MAGI2: variants seen among roughly 807,000 people sequenced by gnomAD.
MAGI2 encodes membrane associated guanylate kinase, WW and PDZ domain containing 2.
MAGI2 carries 35 observed loss-of-function variants against 133.3 expected under a neutral mutation model. The ratio of observed to expected loss-of-function variants is 0.26; its 90% CI spans 0.20 to 0.35. MAGI2 has a LOEUF of 0.35. Among genes scored for constraint, MAGI2 ranks in the 10% least tolerant of loss-of-function variants. MAGI2 has a pLI of 1.00. For synonymous variants in MAGI2, 729 were observed against 710.6 expected (o/e 1.03, Z -0.41); for missense variants, 1,636 against 1,863.4 (o/e 0.88, Z 2.25).
At chr7:78,317,963 G>A (rs1317069144) in intron 9 of MAGI2, among the ~76,000 whole-genome samples, 1 of 152,192 alleles carries the variant, frequency 6.6e-6, no homozygotes, top group Non-Finnish European at 1.5e-5. Flanking sequence ...AACCCCGTTG[G>A]AAGGTCACCA....
At chr7:78,225,526 T>C (rs1789286519) in intron 10 of MAGI2, among the ~76,000 whole-genome samples, 1 of 152,178 alleles carries the variant, frequency 6.6e-6, no homozygotes, top group African/African-American at 2.4e-5. Flanking sequence ...TTTGTGTTTT[T>C]TGTAAAGATG....
chr7:78,530,647 C>A (rs1292806624), intron 3 of MAGI2, among the ~76,000 whole-genome samples: 1 of 152,116 alleles, frequency 6.6e-6, no homozygotes, highest in African/African-American at 2.4e-5. Context: ...TCACTTTGAT[C>A]CCCCATCGTG....
intron 10 of MAGI2, among the ~76,000 whole-genome samples, chr7:78,204,990 G>C (rs1829599757): frequency 6.6e-6 from 1 of 152,206 alleles, no homozygotes; most frequent in African/African-American, 2.4e-5. Context: ...GCATCTAAGA[G>C]CATAGTGAGA....
chr7:78,889,525 A>C (rs1796560648), intron 2 of MAGI2, among the ~76,000 whole-genome samples: 1 of 152,224 alleles, frequency 6.6e-6, no homozygotes, highest in Non-Finnish European at 1.5e-5. Context: ...CTAACAGTGG[A>C]TCTCTCAGCA....
intron 2 of MAGI2, among the ~76,000 whole-genome samples, chr7:79,002,052 T>C (rs1474357358): frequency 6.6e-6 from 1 of 152,104 alleles, no homozygotes; most frequent in African/African-American, 2.4e-5. Flanking sequence ...GAAGTTCAAT[T>C]ACATACAAAT....
At chr7:78,447,738 A>C (rs575945393) in intron 6 of MAGI2, among the ~76,000 whole-genome samples, 1 of 152,328 alleles carries the variant, frequency 6.6e-6, no homozygotes, top group South Asian at 2.1e-4. Context: ...GAATAGATAC[A>C]AAGCTTTTGC....
intron 9 of MAGI2, among the ~76,000 whole-genome samples, chr7:78,313,938 C>T (rs187897286): frequency 1.3e-5 from 2 of 152,154 alleles, no homozygotes; most frequent in East Asian, 3.9e-4. Context: ...GCCCTGGGGA[C>T]TTAAGTTAAA....
intron 2 of MAGI2, among the ~76,000 whole-genome samples, chr7:78,656,634 A>G (rs1812310583): frequency 6.6e-6 from 1 of 152,194 alleles, no homozygotes; most frequent in South Asian, 2.1e-4. Context: ...CTAATTTGCT[A>G]GAGAGTAGAC....
At chr7:78,490,932 G>A (rs1010660723) in intron 5 of MAGI2, among the ~76,000 whole-genome samples, 1 of 152,064 alleles carries the variant, frequency 6.6e-6, no homozygotes, top group Non-Finnish European at 1.5e-5. Flanking sequence ...GAAGGCCAAT[G>A]AATGGAACAT....
intron 1 of MAGI2, among the ~76,000 whole-genome samples, chr7:79,310,240 G>GCATTTTT (rs1316871072): frequency 7.5e-6 from 1 of 133,668 alleles, no homozygotes; most frequent in East Asian, 2.5e-4. Context: ...ATATTCGAAT[G>GCATTTTT]CATTTTTGTG....
chr7:78,571,106 ATTTAG>A (rs752248310), intron 3 of MAGI2, among the ~76,000 whole-genome samples: 3 of 152,162 alleles, frequency 2.0e-5, no homozygotes, highest in East Asian at 1.9e-4. Context: ...TGTCATGTTG[ATTTAG>A]TTTAAATAAA....
chr7:78,398,492 T>G (rs2151333914), intron 6 of MAGI2, among the ~76,000 whole-genome samples: 1 of 152,294 alleles, frequency 6.6e-6, no homozygotes, highest in South Asian at 2.1e-4. Flanking sequence ...TGACTAAACT[T>G]TAGACAGGTT....
chr7:78,296,906 A>G (rs906099839), intron 9 of MAGI2, among the ~76,000 whole-genome samples: 3 of 152,222 alleles, frequency 2.0e-5, no homozygotes, highest in Non-Finnish European at 4.4e-5. Flanking sequence ...CGTTTACACA[A>G]GGAGTGCTTT....
At chr7:78,291,951 T>C (rs1388187212) in intron 9 of MAGI2, among the ~76,000 whole-genome samples, 1 of 152,116 alleles carries the variant, frequency 6.6e-6, no homozygotes, top group Non-Finnish European at 1.5e-5. Context: ...TAAGAGCTAT[T>C]TATGACAAAC....
chr7:78,905,047 C>G (rs189960903), intron 2 of MAGI2, among the ~76,000 whole-genome samples: 82 of 152,184 alleles, frequency 5.4e-4, no homozygotes, highest in Admixed American at 3.5e-3. Flanking sequence ...TATGCTCTAC[C>G]TTATAACCTC....
chr7:78,121,080 TATATC>T (rs56999113), intron 20 of MAGI2, among the ~76,000 whole-genome samples: 14,386 of 150,970 alleles, frequency 0.095, 748 homozygotes, highest in African/African-American at 0.11. Context: ...GGTTCTACCT[TATATC>T]ATACAGAGAA....
chr7:78,982,417 T>G (rs1242114367), intron 2 of MAGI2, among the ~76,000 whole-genome samples: 2 of 151,942 alleles, frequency 1.3e-5, no homozygotes, highest in Non-Finnish European at 2.9e-5. Flanking sequence ...TTTTGGCTAA[T>G]TATACTTGGC....
intron 7 of MAGI2, among the ~76,000 whole-genome samples, chr7:78,353,720 G>A (rs942013114): frequency 2.7e-4 from 41 of 152,174 alleles, no homozygotes; most frequent in Admixed American, 1.0e-3. Context: ...ATTTTAGGAA[G>A]AGAGTAGTAG....
intron 4 of MAGI2, chr7:78,509,312 A>T (rs1795372622): frequency 6.6e-6 from 1 of 152,228 alleles, no homozygotes; most frequent in Non-Finnish European, 1.5e-5. Context: ...ATAGTCTTAT[A>T]AACAATGATC....
Sources: gnomAD v4.1 joint callset for allele counts (sites outside exome capture counted in the v4.1 genomes callset) on GRCh38, gnomAD v4.1.1 for gene constraint, MANE v1.5 for transcripts, NCBI Gene and HGNC (gene_info 2026-07-23, HGNC 2026-07-21) for gene names.